The following CA10 variants were observed in gnomAD, a reference collection of about 807,000 sequenced individuals.
CA10 encodes carbonic anhydrase 10 (inactive).
A neutral mutation model predicts 44.2 loss-of-function variants in CA10; 14 were observed. That is an observed-to-expected ratio of 0.32 (90% CI 0.21 to 0.50). The LOEUF is 0.50. Ranked by LOEUF, CA10 falls within the 20% of genes least tolerant of loss-of-function variation. The pLI is 0.99. For synonymous variants in CA10, 159 were observed against 141.6 expected (o/e 1.12, Z -0.87); for missense variants, 350 against 409.7 (o/e 0.85, Z 1.26).
At chr17:51,829,697 T>C (rs963215863) in intron 3 of CA10, among the ~76,000 whole-genome samples, 1 of 152,186 alleles carries the variant, frequency 6.6e-6, no homozygotes, top group African/African-American at 2.4e-5. Flanking sequence ...AGTGAGGTGC[T>C]TATAATTATC....
At chr17:51,742,915 C>A (rs533206234) in intron 4 of CA10, among the ~76,000 whole-genome samples, 1 of 152,330 alleles carries the variant, frequency 6.6e-6, no homozygotes, top group African/African-American at 2.4e-5. Context: ...CTAGTGAGAG[C>A]TATTTCATAA....
At chr17:52,141,812 G>GA (rs1164601107) in intron 1 of CA10, among the ~76,000 whole-genome samples, 1 of 152,158 alleles carries the variant, frequency 6.6e-6, no homozygotes, top group Non-Finnish European at 1.5e-5. Flanking sequence ...TGAGAATGTG[G>GA]AAAAACCTAT....
intron 4 of CA10, among the ~76,000 whole-genome samples, chr17:51,737,291 G>A (rs577979240): frequency 6.6e-5 from 10 of 152,200 alleles, no homozygotes; most frequent in Admixed American, 5.9e-4. Context: ...GTGTGATAAG[G>A]CCCTAAGCAC....
At chr17:52,137,427 G>C (rs1020701084) in intron 1 of CA10, among the ~76,000 whole-genome samples, 2 of 152,152 alleles carry the variant, frequency 1.3e-5, no homozygotes, top group Non-Finnish European at 2.9e-5. Context: ...TCAGCATAAT[G>C]CTTTTATGCA....
intron 2 of CA10, among the ~76,000 whole-genome samples, chr17:52,012,809 T>C (rs543489862): frequency 2.5e-3 from 362 of 142,790 alleles, no homozygotes; most frequent in Non-Finnish European, 3.4e-3. Context: ...AAAAAGGAAA[T>C]GGAAATGTGT....
intron 2 of CA10, among the ~76,000 whole-genome samples, chr17:51,990,860 T>C (rs915502322): frequency 2.6e-5 from 4 of 152,058 alleles, no homozygotes; most frequent in African/African-American, 9.7e-5. Context: ...TCGTAGGAGG[T>C]GCTGCCAGGT....
intron 6 of CA10, among the ~76,000 whole-genome samples, chr17:51,642,929 C>T (rs1012515507): frequency 2.6e-5 from 4 of 152,150 alleles, no homozygotes; most frequent in Non-Finnish European, 5.9e-5. Flanking sequence ...AAGTGTGAGT[C>T]AACACGCCCA....
chr17:51,674,310 G>A (rs1032997051), intron 4 of CA10, among the ~76,000 whole-genome samples: 3 of 152,154 alleles, frequency 2.0e-5, no homozygotes, highest in Non-Finnish European at 4.4e-5. Flanking sequence ...AACCACTGCA[G>A]GGAAGAAAAA....
chr17:52,068,065 T>C (rs1228416390), intron 2 of CA10, among the ~76,000 whole-genome samples: 2 of 152,212 alleles, frequency 1.3e-5, no homozygotes, highest in African/African-American at 4.8e-5. Flanking sequence ...GACATGAGGA[T>C]TGGGAGGGAC....
chr17:52,026,297 G>A (rs1986299631), intron 2 of CA10, among the ~76,000 whole-genome samples: 1 of 152,150 alleles, frequency 6.6e-6, no homozygotes, highest in Non-Finnish European at 1.5e-5. Context: ...AAGCCTCAAA[G>A]TCTCCTCTGA....
intron 2 of CA10, among the ~76,000 whole-genome samples, chr17:51,964,741 G>A (rs1047989675): frequency 1.3e-5 from 2 of 151,854 alleles, no homozygotes; most frequent in Non-Finnish European, 2.9e-5. Context: ...CAAAGTCTCT[G>A]TGATGCAGCA....
chr17:51,789,808 C>T lies in CA10; in HGVS notation c.280-41990G>A, dbSNP rs72832673. ...CATGCATAGGATAGTAGGTCCACCT[C>T]ACCTTTACCCTTGTAAGGGGCCTGT... On this transcript the variant is annotated intron_variant, in intron 3 of 8. Transcript: ENST00000451037. Among the ~76,000 whole-genome samples, 787 of 152,362 alleles carry T rather than the reference C, an allele frequency of 5.2e-3. 4 individuals are homozygous for T. Among genetic ancestry groups the T allele is most frequent in the Non-Finnish European group, 5.9e-3 (403 of 68,038 alleles).
intron 4 of CA10, among the ~76,000 whole-genome samples, chr17:51,695,765 A>G (rs1915382717): frequency 6.6e-6 from 1 of 152,152 alleles, no homozygotes; most frequent in Admixed American, 6.5e-5. Context: ...GAATGCTTCC[A>G]GCTTTTGCCT....
chr17:51,725,345 A>C (rs1358109691), intron 4 of CA10, among the ~76,000 whole-genome samples: 1 of 152,240 alleles, frequency 6.6e-6, no homozygotes, highest in Non-Finnish European at 1.5e-5. Context: ...TGTCGGCTTG[A>C]ACTTTAATAG....
chr17:51,828,522 A>G (rs1416384242), intron 3 of CA10, among the ~76,000 whole-genome samples: 2 of 152,126 alleles, frequency 1.3e-5, no homozygotes, highest in Non-Finnish European at 2.9e-5. Context: ...CATTGGGTAG[A>G]TACTAAAAAA....
chr17:51,824,744 T>C (rs1316775556), intron 3 of CA10, among the ~76,000 whole-genome samples: 4 of 152,262 alleles, frequency 2.6e-5, no homozygotes. Context: ...TTTGGGCAAC[T>C]GCTCCTAGAC....
intron 2 of CA10, among the ~76,000 whole-genome samples, chr17:51,974,768 T>C (rs9914493): frequency 1.6e-4 from 25 of 152,126 alleles, no homozygotes; most frequent in African/African-American, 6.0e-4. Flanking sequence ...TGCTGACTTA[T>C]CAGAAACAAG....
chr17:52,030,952 G>C (rs1986447566), intron 2 of CA10, among the ~76,000 whole-genome samples: 1 of 152,040 alleles, frequency 6.6e-6, no homozygotes, highest in Non-Finnish European at 1.5e-5. Context: ...GGCATCCCAG[G>C]GTATCCAGCT....
chr17:51,942,548 A>G (rs1348136761), intron 2 of CA10, among the ~76,000 whole-genome samples: 1 of 150,202 alleles, frequency 6.7e-6, no homozygotes, highest in African/African-American at 2.4e-5. Context: ...TTATATATAT[A>G]TATATATCTG....
Sources: gnomAD v4.1 joint callset for allele counts (sites outside exome capture counted in the v4.1 genomes callset) on GRCh38, gnomAD v4.1.1 for gene constraint, MANE v1.5 for transcripts, NCBI Gene and HGNC (gene_info 2026-07-23, HGNC 2026-07-21) for gene names.